The following AS3MT variants were observed in gnomAD, a reference collection of about 807,000 sequenced individuals.
The protein encoded by AS3MT is S-adenosyl-L-methionine:arsenic(III) methyltransferase.
AS3MT carries 47 observed loss-of-function variants against 45.3 expected under a neutral mutation model. The observed-to-expected ratio is 1.04, with a 90% CI of 0.82 to 1.32. The LOEUF is 1.32. AS3MT is among the 40% of genes most tolerant of loss of function. AS3MT has a pLI of 0.00. For missense variants in AS3MT, 396 were observed against 451.1 expected (o/e 0.88, Z 1.11); for synonymous variants, 141 against 152.8 (o/e 0.92, Z 0.57).
At chr10:102,874,454 A>C (rs766388855) in intron 5 of AS3MT, 138 bp from the exon 6 acceptor site, 6 of 627,074 alleles carry the variant, frequency 9.6e-6, no homozygotes, top group Non-Finnish European at 1.7e-5. Flanking sequence ...AGTTGAAGGC[A>C]TTAGAAAGAG....
At chr10:102,869,949 C>G (rs1306027536) in intron 2 of AS3MT, 104 bp downstream of exon 2, 5 of 1,570,012 alleles carry the variant, frequency 3.2e-6, no homozygotes, top group Non-Finnish European at 4.3e-6. Context: ...CGGGGTAGGG[C>G]AGGGTCTAGG....
intron 10 of AS3MT, among the ~76,000 whole-genome samples, chr10:102,897,615 G>A (rs920966533): frequency 6.6e-6 from 1 of 151,348 alleles, no homozygotes; most frequent in Non-Finnish European, 1.5e-5. Context: ...ACAGGCACAC[G>A]CCACCACGCC....
intron 9 of AS3MT, among the ~76,000 whole-genome samples, chr10:102,889,644 C>CT (rs1845030416): frequency 1.4e-5 from 2 of 141,280 alleles, no homozygotes; most frequent in Non-Finnish European, 3.2e-5. Flanking sequence ...TCCTTCCTTC[C>CT]TTTCTTCCTT....
intron 10 of AS3MT, among the ~76,000 whole-genome samples, chr10:102,894,004 G>A (rs934882824): frequency 1.3e-5 from 2 of 152,126 alleles, no homozygotes; most frequent in Non-Finnish European, 2.9e-5. Context: ...GTCCCACCAA[G>A]GCACAAGATG....
chr10:102,893,025 TAAA>T (rs1845099370), intron 10 of AS3MT, among the ~76,000 whole-genome samples: 3 of 145,076 alleles, frequency 2.1e-5, no homozygotes, highest in Non-Finnish European at 4.5e-5. Flanking sequence ...AATAAATAAA[TAAA>T]TAATTTTAGA....
At chr10:102,875,094 AC>A (rs1440591889) in intron 6 of AS3MT, among the ~76,000 whole-genome samples, 1 of 152,174 alleles carries the variant, frequency 6.6e-6, no homozygotes, top group African/African-American at 2.4e-5. Context: ...AGAAGATGGA[AC>A]TTTTACATTA....
intron 10 of AS3MT, among the ~76,000 whole-genome samples, chr10:102,896,103 T>C (rs7912536): frequency 0.015 from 2,291 of 151,602 alleles, 60 homozygotes; most frequent in African/African-American, 0.052. Context: ...AGGCTGAGGC[T>C]GGCAGACCAC....
At position 102,892,950 on chromosome 10, in the gene AS3MT, C is replaced by T. The variant is rs527382535; in HGVS notation, c.1020+2272C>T. ...AGACGAGATTGAGATGGCGCCACTG[C>T]ACTCCAGCCTGGCAACAGAGTGAGA... On this transcript the variant is annotated intron_variant, in intron 10 of 10. Transcript: ENST00000369880. 2.6e-5 allele frequency among the ~76,000 whole-genome samples: 4 copies of T among 151,440 alleles called. No homozygotes were observed. The East Asian group carries it at 7.8e-4, about 30-fold the overall frequency.
At chr10:102,888,641 G>A (rs1421320515) in intron 9 of AS3MT, among the ~76,000 whole-genome samples, 1 of 151,326 alleles carries the variant, frequency 6.6e-6, no homozygotes, top group Non-Finnish European at 1.5e-5. Context: ...GGCTGGTCTC[G>A]AACTCCTGAC....
rs1466399780 is a variant in AS3MT at position 102,878,871 on chromosome 10, A to G, written c.765A>G (p.Ala255=). ...RVIGDCRFVS[A]TFRLFKHSKT... ...TAGGTGACTGTCGTTTTGTTTCTGC[A>G]ACATTTCGCCTCTTCAAACACTCTA... Residue 255 remains alanine (A), a synonymous_variant, in exon 9 of 11, where the codon GCA becomes GCG. Transcript: ENST00000369880. 1 of 1,612,434 alleles carries G rather than the reference A, an allele frequency of 6.2e-7. No individual in the cohort carries two copies. The highest frequency in any genetic ancestry group is 1.7e-5 in the Admixed American group (1 of 59,574).
At chr10:102,869,642 G>A (rs767801263) in intron 1 of AS3MT, 49 bp downstream of exon 1, 3 of 1,554,694 alleles carry the variant, frequency 1.9e-6, no homozygotes, top group Non-Finnish European at 2.6e-6. Flanking sequence ...CCCCTTCCCT[G>A]GGCCCCCGCA....
At chr10:102,872,657 T>G in intron 4 of AS3MT, 59 bp downstream of exon 4, 1 of 1,544,206 alleles carries the variant, frequency 6.5e-7, no homozygotes, top group Non-Finnish European at 8.7e-7. Flanking sequence ...ATTTGAAAAA[T>G]AAAGTTGTTT....
chr10:102,890,069 C>T (rs559693891), intron 9 of AS3MT, among the ~76,000 whole-genome samples: 159 of 149,642 alleles, frequency 1.1e-3, no homozygotes, highest in Middle Eastern at 7.0e-3. Context: ...GGCACGATCT[C>T]GGCTCACTGC....
chr10:102,898,572 A>G (rs1845219503), intron 10 of AS3MT, among the ~76,000 whole-genome samples: 1 of 152,142 alleles, frequency 6.6e-6, no homozygotes, highest in South Asian at 2.1e-4. Context: ...CCTCGGCGAC[A>G]AAGGGAGACT....
At chr10:102,889,484 T>C (rs932932740) in intron 9 of AS3MT, among the ~76,000 whole-genome samples, 1 of 152,188 alleles carries the variant, frequency 6.6e-6, no homozygotes, top group African/African-American at 2.4e-5. Context: ...ATTCATCCAT[T>C]GCTGGATGCT....
intron 10 of AS3MT, among the ~76,000 whole-genome samples, chr10:102,896,496 G>A (rs1437398607): frequency 6.6e-6 from 1 of 151,376 alleles, no homozygotes; most frequent in Non-Finnish European, 1.5e-5. Context: ...CAGTATACAA[G>A]CCACCTGTAG....
intron 10 of AS3MT, among the ~76,000 whole-genome samples, chr10:102,892,414 GC>G (rs1652497847): frequency 6.6e-6 from 1 of 152,042 alleles, no homozygotes; most frequent in South Asian, 2.1e-4. Flanking sequence ...GACTGTAAGG[GC>G]CAGTTTTGAG....
chr10:102,886,699 C>T (rs998913090), intron 9 of AS3MT, among the ~76,000 whole-genome samples: 6 of 152,094 alleles, frequency 3.9e-5, no homozygotes, highest in Non-Finnish European at 7.3e-5. Flanking sequence ...TCATGGCTCA[C>T]AGCAGCTTTG....
intron 9 of AS3MT, among the ~76,000 whole-genome samples, chr10:102,885,006 C>T: frequency 6.6e-6 from 1 of 152,168 alleles, no homozygotes; most frequent in South Asian, 2.1e-4. Context: ...TTGAATTATT[C>T]TTTTCTAGCT....
Sources: gnomAD v4.1 joint callset for allele counts (sites outside exome capture counted in the v4.1 genomes callset) on GRCh38, gnomAD v4.1.1 for gene constraint, MANE v1.5 for transcripts, NCBI Gene and HGNC (gene_info 2026-07-23, HGNC 2026-07-21) for gene names.